ILF2: variants seen among roughly 807,000 people sequenced by gnomAD.
ILF2 encodes interleukin enhancer binding factor 2.
Under a neutral mutation model 55.3 loss-of-function variants are expected in ILF2, and 9 were observed. That is an observed-to-expected ratio of 0.16 (90% CI 0.10 to 0.28). The LOEUF is 0.28. ILF2 is among the 10% of genes least tolerant of loss of function. The probability of loss-of-function intolerance (pLI) is 1.00; values close to 1 mark genes in which losing one functional copy is unlikely to be tolerated. For missense variants in ILF2, 266 were observed against 474.9 expected, an observed-to-expected ratio of 0.56 and a Z score of 4.09; for synonymous variants, 151 against 161.8, an observed-to-expected ratio of 0.93 and a Z score of 0.50.
intron 6 of ILF2, among the ~76,000 whole-genome samples, chr1:153,666,543 A>T (rs1669312042): frequency 6.6e-6 from 1 of 151,902 alleles, no homozygotes; most frequent in Non-Finnish European, 1.5e-5. Flanking sequence ...TTGTAGGTAC[A>T]GGATCTCTCT....
intron 10 of ILF2, among the ~76,000 whole-genome samples, chr1:153,663,670 GC>G (rs944959461): frequency 6.6e-6 from 1 of 151,842 alleles, no homozygotes; most frequent in Non-Finnish European, 1.5e-5. Flanking sequence ...TCTAAGTCTA[GC>G]CAAAATTTTC....
At chr1:153,663,807 CAAA>C (rs1181353516) in intron 10 of ILF2, among the ~76,000 whole-genome samples, 1 of 80,364 alleles carries the variant, frequency 1.2e-5, no homozygotes. Flanking sequence ...ATTGAATATA[CAAA>C]AAAAAAAAAA....
rs201960462 is a variant in ILF2 at position 153,670,961 on chromosome 1, G to A, written c.-39C>T. ...ACGAACAATGGAGGCCGCACCAACC[G>A]CCCCTTCCTCTGAGTAGCAGACAAC... On this transcript the variant is annotated 5_prime_UTR_variant, in exon 1 of 14. Transcript: ENST00000361891. The A allele has an allele frequency of 1.4e-5, 22 of 1,613,714 alleles. No homozygotes were observed. Among genetic ancestry groups the A allele is most frequent in the Middle Eastern group, 1.6e-4 (1 of 6,082 alleles).
rs1169558474 is a variant in ILF2, at chr1:153,670,716, T to G, written c.5+202A>C. On this transcript the variant is annotated intron_variant, in intron 1 of 13. Transcript: ENST00000361891. ...GGTGTCGAACCCCCCTCCCCACTCCTGGGCCCGAACCCCATCCCGGGCCCA... is the reference window on the plus strand; with the variant it reads ...GGTGTCGAACCCCCCTCCCCACTCCGGGGCCCGAACCCCATCCCGGGCCCA... 4.6e-5 allele frequency among the ~76,000 whole-genome samples: 7 copies of G among 152,102 alleles called. 1 individual carries two copies. Among genetic ancestry groups the G allele is most frequent in the African/African-American group, 1.7e-4 (7 of 41,496 alleles).
In ILF2 at chr1:153,670,963, C is replaced by A. The variant is rs746629120; in HGVS notation, c.-41G>T. The A allele has an allele frequency of 1.2e-6, 2 of 1,613,966 alleles. No homozygotes were observed. Among genetic ancestry groups the A allele is most frequent in the African/African-American group, 2.7e-5 (2 of 74,934 alleles). ...GAACAATGGAGGCCGCACCAACCGC[C>A]CCTTCCTCTGAGTAGCAGACAACTG... On this transcript the variant is annotated 5_prime_UTR_variant, in exon 1 of 14. Coordinates refer to ENST00000361891, the MANE Select transcript of ILF2 (RefSeq NM_004515.4).
Position 153,665,339 on chromosome 1 carries a change from G to T in ILF2, c.461-3C>A. On this transcript the variant is annotated splice_region_variant and splice_polypyrimidine_tract_variant and intron_variant, in intron 7 of 13. Coordinates refer to ENST00000361891, the MANE Select transcript of ILF2 (RefSeq NM_004515.4). ...TTCGTTGGTCAGCATGGTTAAAACT[G>T]AAAAAACAGAATAAACAAAAACTAT... 6.4e-7 allele frequency: 1 copy of T among 1,558,688 alleles called. No individual in the cohort carries two copies. Among genetic ancestry groups the T allele is most frequent in the Non-Finnish European group, 8.8e-7 (1 of 1,130,992 alleles).
At chr1:153,666,156 C>G (rs530997829) in intron 6 of ILF2, among the ~76,000 whole-genome samples, 65 of 151,964 alleles carry the variant, frequency 4.3e-4, no homozygotes, top group African/African-American at 1.5e-3. Flanking sequence ...TCAAGCAATC[C>G]TCTCACCTCA....
In ILF2 at chr1:153,663,980, CTA is replaced by C. The variant is rs1183563522; in HGVS notation, c.744+61_744+62del. 212 of 823,492 alleles carry C rather than the reference CTA, an allele frequency of 2.6e-4. 2 individuals are homozygous for C. Among genetic ancestry groups the C allele is most frequent in the Admixed American group, 1.8e-3 (84 of 45,748 alleles). 51.0% of individuals were successfully genotyped at this position (823,492 alleles called of 1,614,324 possible). A position where few individuals can be genotyped will look rare whatever the true frequency, so the allele number is the denominator to read the frequency against. On this transcript the variant is annotated intron_variant, in intron 10 of 13. Transcript: ENST00000361891. Reference sequence around the variant, plus strand: ...GTTACTACTACTACTACTACTACTACTACTACTACTACTACTAGTAAATAAGG... The same window carrying C: ...GTTACTACTACTACTACTACTACTACCTACTACTACTACTAGTAAATAAGG...
Position 153,670,954 on chromosome 1 carries a change from A to C in ILF2, c.-32T>G. ...TTAAAACACGAACAATGGAGGCCGC[A>C]CCAACCGCCCCTTCCTCTGAGTAGC... On this transcript the variant is annotated 5_prime_UTR_variant, in exon 1 of 14. Transcript: ENST00000361891. The C allele has an allele frequency of 1.9e-6, 3 of 1,614,088 alleles. No individual in the cohort carries two copies. Among genetic ancestry groups the C allele is most frequent in the Non-Finnish European group, 2.5e-6 (3 of 1,179,968 alleles).
intron 10 of ILF2, 116 bp from the exon 11 acceptor site, chr1:153,663,392 A>G: frequency 1.1e-6 from 1 of 951,260 alleles, no homozygotes; most frequent in Non-Finnish European, 1.7e-6. Flanking sequence ...GCAGTGGCGC[A>G]ATCATAGTTC....
At chr1:153,666,498 G>A (rs373814203) in intron 6 of ILF2, among the ~76,000 whole-genome samples, 22 of 151,972 alleles carry the variant, frequency 1.4e-4, no homozygotes, top group African/African-American at 5.3e-4. Context: ...TGGGACCAAA[G>A]CATGCACCAC....
chr1:153,665,841 G>A (rs1389346925), intron 6 of ILF2, 113 bp from the exon 7 acceptor site: 8 of 780,252 alleles, frequency 1.0e-5, no homozygotes, highest in Admixed American at 4.8e-5. Flanking sequence ...GCTGAAGCAA[G>A]GGTAAGTAAT....
Position 153,662,269 on chromosome 1 carries a change from T to G in ILF2, c.*127A>C, listed in dbSNP as rs1669188760. 11 of 1,183,260 alleles carry G rather than the reference T, an allele frequency of 9.3e-6. No homozygotes were observed. The highest frequency in any genetic ancestry group is 1.3e-5 in the Non-Finnish European group (11 of 837,412). 73.3% of individuals were successfully genotyped at this position (1,183,260 alleles called of 1,614,324 possible). ...AAAACCCAGTGGAATGACACTTCTA[T>G]GGAGTTTACTTTTCTTCCTGCTATC... On this transcript the variant is annotated 3_prime_UTR_variant, in exon 14 of 14. Coordinates refer to ENST00000361891, the MANE Select transcript of ILF2 (RefSeq NM_004515.4).
At chr1:153,663,979 AC>A in intron 10 of ILF2, 63 bp downstream of exon 10, 1 of 814,368 alleles carries the variant, frequency 1.2e-6, no homozygotes, top group African/African-American at 1.7e-5. Context: ...TACTACTACT[AC>A]TACTACTACT....
intron 3 of ILF2, 162 bp from the exon 4 acceptor site, chr1:153,668,719 G>A (rs1669372451): frequency 1.2e-6 from 1 of 808,728 alleles, no homozygotes. Flanking sequence ...GCTCACACCT[G>A]TAATCCCAGC....
chr1:153,667,938 C>G, intron 5 of ILF2, 62 bp downstream of exon 5: 1 of 1,191,108 alleles, frequency 8.4e-7, no homozygotes, highest in Non-Finnish European at 1.2e-6. Flanking sequence ...AAGTCAAGAG[C>G]CAAGGCAATT....
Position 153,668,449 on chromosome 1 carries a change from A to G in ILF2, c.213+4T>C. 1.2e-6 allele frequency: 2 copies of G among 1,614,116 alleles called. No individual in the cohort carries two copies. The highest frequency in any genetic ancestry group is 1.7e-6 in the Non-Finnish European group (2 of 1,180,012). ...ATTTCTGGAAGACAGCCAAAAGAACATACCTGTTCAGCAGAATTGGGAGCC... is the reference window on the plus strand; with the variant it reads ...ATTTCTGGAAGACAGCCAAAAGAACGTACCTGTTCAGCAGAATTGGGAGCC... On this transcript the variant is annotated splice_donor_region_variant and intron_variant, in intron 4 of 13. Transcript: ENST00000361891.
chr1:153,670,939 A>G lies in ILF2; in HGVS notation c.-17T>C. 1.2e-6 allele frequency: 2 copies of G among 1,614,160 alleles called. No individual in the cohort carries two copies. Among genetic ancestry groups the G allele is most frequent in the Non-Finnish European group, 1.7e-6 (2 of 1,180,016 alleles). On this transcript the variant is annotated 5_prime_UTR_variant, in exon 1 of 14. Coordinates refer to ENST00000361891, the MANE Select transcript of ILF2 (RefSeq NM_004515.4). ...TTACCTCATGGCGCCTTAAAACACG[A>G]ACAATGGAGGCCGCACCAACCGCCC... is the stretch of plus-strand genomic sequence containing the variant.
chr1:153,663,136 A>G lies in ILF2; in HGVS notation c.807-3T>C, dbSNP rs764032505. 13 of 1,614,152 alleles carry G rather than the reference A, an allele frequency of 8.1e-6. No individual in the cohort carries two copies. The South Asian group carries it at 1.4e-4, about 18-fold the overall frequency. ...CAGCCAGAATCTGCAAGCAGCGCCT[A>G]GAACACAGGGAGGTATGAGGTATTA... On this transcript the variant is annotated splice_polypyrimidine_tract_variant and splice_region_variant and intron_variant, in intron 11 of 13. Coordinates refer to ENST00000361891, the MANE Select transcript of ILF2 (RefSeq NM_004515.4).
Sources: allele counts gnomAD v4.1 joint callset (sites outside exome capture counted in the v4.1 genomes callset), GRCh38; gene constraint gnomAD v4.1.1; transcripts MANE v1.5; gene names NCBI Gene and HGNC (gene_info 2026-07-23, HGNC 2026-07-21).